TRDN: variants seen among roughly 807,000 people sequenced by gnomAD.
TRDN encodes triadin.
In TRDN, 161 loss-of-function variants were observed where a neutral mutation model predicts 149.7. The observed-to-expected ratio is 1.08, with a 90% confidence interval of 0.95 to 1.23. The LOEUF (loss-of-function observed/expected upper bound fraction) is 1.23, where lower values mean the gene tolerates loss of function less well. Among genes scored for constraint, TRDN ranks in the 50% most tolerant of loss-of-function variants. The pLI, the probability that TRDN is intolerant of heterozygous loss-of-function variation, is 0.00. For missense variants in TRDN, 896 were observed against 823.5 expected, an observed-to-expected ratio of 1.09 and a Z score of -1.08; for synonymous variants, 294 against 250.5, an observed-to-expected ratio of 1.17 and a Z score of -1.64.
intron 9 of TRDN, among the ~76,000 whole-genome samples, chr6:123,493,557 T>C (rs79695368): frequency 0.01 from 1,563 of 152,240 alleles, 23 homozygotes; most frequent in African/African-American, 0.035. Flanking sequence ...TGGGTTACTT[T>C]TGAGGGTGTG....
intron 12 of TRDN, among the ~76,000 whole-genome samples, chr6:123,394,271 T>C (rs1007662200): frequency 6.6e-6 from 1 of 152,080 alleles, no homozygotes; most frequent in Admixed American, 6.6e-5. Flanking sequence ...TTTTCTCCTT[T>C]GTTCAGAATT....
chr6:123,258,120 C>T (rs983144925), intron 35 of TRDN, among the ~76,000 whole-genome samples: 2 of 151,922 alleles, frequency 1.3e-5, no homozygotes, highest in African/African-American at 2.4e-5. Context: ...TTTCAGTACC[C>T]TTTATTTATT....
chr6:123,241,932 C>T (rs1776004321), intron 38 of TRDN, among the ~76,000 whole-genome samples: 1 of 152,034 alleles, frequency 6.6e-6, no homozygotes, highest in South Asian at 2.1e-4. Flanking sequence ...AAGAAATGTT[C>T]CTACTACACT....
At chr6:123,505,352 G>C (rs1400209847) in intron 7 of TRDN, among the ~76,000 whole-genome samples, 2 of 150,750 alleles carry the variant, frequency 1.3e-5, no homozygotes, top group East Asian at 2.0e-4. Flanking sequence ...GATAATATCA[G>C]AAGGTCCCAT....
chr6:123,375,521 T>G (rs1781471530), intron 19 of TRDN, 84 bp downstream of exon 19: 1 of 1,163,580 alleles, frequency 8.6e-7, no homozygotes, highest in Non-Finnish European at 1.2e-6. Context: ...TTCTCAAAAT[T>G]AGCATTAGCA....
chr6:123,579,983 A>G (rs990487753), intron 1 of TRDN, among the ~76,000 whole-genome samples: 1 of 147,366 alleles, frequency 6.8e-6, no homozygotes, highest in African/African-American at 2.6e-5. Flanking sequence ...CTGAACTGTG[A>G]GTCAATTAAA....
At chr6:123,456,171 C>T (rs1040446183) in intron 10 of TRDN, among the ~76,000 whole-genome samples, 1 of 152,126 alleles carries the variant, frequency 6.6e-6, no homozygotes, top group African/African-American at 2.4e-5. Flanking sequence ...ATATGGGACA[C>T]ATGTGTAAGT....
intron 1 of TRDN, among the ~76,000 whole-genome samples, chr6:123,622,025 T>A (rs1242418055): frequency 6.6e-6 from 1 of 152,108 alleles, no homozygotes; most frequent in Non-Finnish European, 1.5e-5. Context: ...TACGTGAGAA[T>A]CTTTTTAAAT....
intron 1 of TRDN, among the ~76,000 whole-genome samples, chr6:123,603,382 T>C (rs929377064): frequency 6.6e-6 from 1 of 152,144 alleles, no homozygotes. Context: ...TTCTTTTATT[T>C]ACATATATAC....
intron 28 of TRDN, 93 bp downstream of exon 28, chr6:123,273,244 A>G (rs1777263044): frequency 1.0e-6 from 1 of 955,056 alleles, no homozygotes; most frequent in East Asian, 3.5e-5. Context: ...AAACATAAAT[A>G]TAAAAGCACA....
chr6:123,378,548 C>A (rs1781597962), intron 16 of TRDN, among the ~76,000 whole-genome samples: 1 of 151,520 alleles, frequency 6.6e-6, no homozygotes, highest in South Asian at 2.1e-4. Context: ...AACTTCTGGG[C>A]TCAAGAGGTC....
chr6:123,360,683 G>A (rs905024377), intron 20 of TRDN, among the ~76,000 whole-genome samples: 7 of 148,996 alleles, frequency 4.7e-5, no homozygotes, highest in African/African-American at 1.8e-4. Flanking sequence ...AGGAGATAAA[G>A]TGGTAGAGAG....
intron 1 of TRDN, among the ~76,000 whole-genome samples, chr6:123,588,370 G>A (rs780695419): frequency 1.3e-5 from 2 of 152,092 alleles, no homozygotes; most frequent in Non-Finnish European, 2.9e-5. Flanking sequence ...TAATGTTAAT[G>A]CTGGCAAGTT....
chr6:123,513,323 T>C (rs765669981), intron 6 of TRDN, among the ~76,000 whole-genome samples: 3 of 152,206 alleles, frequency 2.0e-5, no homozygotes, highest in Non-Finnish European at 4.4e-5. Context: ...CAAACATCCT[T>C]TAATTGGCAT....
chr6:123,503,985 T>C, intron 7 of TRDN, 84 bp from the exon 8 acceptor site: 2 of 1,409,868 alleles, frequency 1.4e-6, no homozygotes, highest in Non-Finnish European at 9.3e-7. Flanking sequence ...TAAGGAAAAT[T>C]GGAAAAGAAA....
chr6:123,314,339 A>G (rs187876663), intron 24 of TRDN, among the ~76,000 whole-genome samples: 70 of 152,044 alleles, frequency 4.6e-4, no homozygotes, highest in African/African-American at 1.3e-3. Flanking sequence ...ATTAAAGTCT[A>G]AAAGTAACAG....
At chr6:123,467,565 G>A (rs1279020987) in intron 9 of TRDN, among the ~76,000 whole-genome samples, 3 of 152,138 alleles carry the variant, frequency 2.0e-5, no homozygotes, top group South Asian at 4.1e-4. Context: ...AAGCCAGCTG[G>A]CTGCCTGTCT....
chr6:123,391,825 T>C (rs999501031), intron 13 of TRDN, among the ~76,000 whole-genome samples: 1 of 152,110 alleles, frequency 6.6e-6, no homozygotes, highest in African/African-American at 2.4e-5. Flanking sequence ...CACTTTATAC[T>C]TCAAAAAATC....
At chr6:123,471,307 G>A (rs1777135840) in intron 9 of TRDN, 1 of 152,170 alleles carries the variant, frequency 6.6e-6, no homozygotes, top group Non-Finnish European at 1.5e-5. Context: ...CATTCACTCA[G>A]CAACTTATGA....
Sources: allele counts gnomAD v4.1 joint callset (sites outside exome capture counted in the v4.1 genomes callset), GRCh38; gene constraint gnomAD v4.1.1; transcripts MANE v1.5; gene names NCBI Gene and HGNC (gene_info 2026-07-23, HGNC 2026-07-21).